Variants in JAK1 observed in about 807,000 individuals in gnomAD.
JAK1 encodes the protein tyrosine-protein kinase JAK1.
A neutral mutation model predicts 136.6 loss-of-function variants in JAK1; 16 were observed. That is an observed-to-expected ratio of 0.12 (90% CI 0.08 to 0.18). The LOEUF (loss-of-function observed/expected upper bound fraction) is 0.18, where lower values mean the gene tolerates loss of function less well. Ranked by LOEUF, JAK1 falls within the 10% of genes least tolerant of loss-of-function variation. The pLI, the probability that JAK1 is intolerant of heterozygous loss-of-function variation, is 1.00. For missense variants in JAK1, 859 were observed against 1,450.1 expected, an observed-to-expected ratio of 0.59 and a Z score of 6.62; for synonymous variants, 492 against 519.5, an observed-to-expected ratio of 0.95 and a Z score of 0.72.
chr1:65,025,481 G>C (rs998407301), intron 2 of JAK1, among the ~76,000 whole-genome samples: 1 of 152,096 alleles, frequency 6.6e-6, no homozygotes, highest in African/African-American at 2.4e-5. Context: ...AAGAGGTGAG[G>C]CCACAGGGTA....
chr1:65,058,136 G>A (rs181510395), intron 1 of JAK1, among the ~76,000 whole-genome samples: 37 of 152,174 alleles, frequency 2.4e-4, no homozygotes, highest in African/African-American at 7.2e-4. Flanking sequence ...AAAATGGTAC[G>A]AAGTTCTCTG....
At chr1:64,873,769 G>A (rs1657223654) in intron 4 of JAK1, among the ~76,000 whole-genome samples, 1 of 152,146 alleles carries the variant, frequency 6.6e-6, no homozygotes, top group Admixed American at 6.5e-5. Context: ...CACAAAGACA[G>A]CTCCTCTGAC....
chr1:64,938,587 A>G (rs1046364856), intron 1 of JAK1, among the ~76,000 whole-genome samples: 4 of 152,240 alleles, frequency 2.6e-5, no homozygotes, highest in African/African-American at 9.6e-5. Flanking sequence ...CCTTGACACC[A>G]GAACTATTTA....
At chr1:64,843,968 C>A in intron 17 of JAK1, 96 bp downstream of exon 17, 1 of 1,420,594 alleles carries the variant, frequency 7.0e-7, no homozygotes, top group Non-Finnish European at 9.8e-7. Flanking sequence ...CCATGCCCAT[C>A]TCTTCCCACA....
At chr1:65,022,754 T>G (rs1646947380) in intron 2 of JAK1, among the ~76,000 whole-genome samples, 1 of 152,208 alleles carries the variant, frequency 6.6e-6, no homozygotes, top group South Asian at 2.1e-4. Context: ...ACTTCATACA[T>G]TAGTGTCATG....
At chr1:64,961,721 C>G (rs1455866540) in intron 1 of JAK1, among the ~76,000 whole-genome samples, 1 of 152,024 alleles carries the variant, frequency 6.6e-6, no homozygotes, top group African/African-American at 2.4e-5. Context: ...AACAAAGGAA[C>G]TCCTACTCAC....
chr1:64,854,682 C>CG lies in JAK1; in HGVS notation c.1648+826_1648+827insC, dbSNP rs558961993. ...AACAAGAAACAGCTGAGTGGCTCCC[C>CG]CTTGGATCCATTTCACTCCCTGATC... On this transcript the variant is annotated intron_variant, in intron 11 of 24. Coordinates refer to ENST00000342505, the MANE Select transcript of JAK1 (RefSeq NM_002227.4). Among the ~76,000 whole-genome samples the CG allele has an allele frequency of 3.4e-4, 52 of 152,042 alleles. 1 individual carries two copies. In the South Asian group the frequency reaches 7.5e-3, roughly 22 times the overall value.
rs1646382210 is a variant in JAK1, at chr1:64,966,480, T to C, written c.-225A>G. On this transcript the variant is annotated 5_prime_UTR_variant, in exon 1 of 25. Coordinates refer to ENST00000342505, the MANE Select transcript of JAK1 (RefSeq NM_002227.4). ...GGGTCGCGGCGAGGACAGCCGGGACTGGGCGCAGGCCCGCACTGTCTGCAG... is the reference window on the plus strand; with the variant it reads ...GGGTCGCGGCGAGGACAGCCGGGACCGGGCGCAGGCCCGCACTGTCTGCAG... 6.6e-6 allele frequency: 1 copy of C among 150,866 alleles called. No homozygotes were observed. The highest frequency in any genetic ancestry group is 6.6e-5 in the Admixed American group (1 of 15,156). 9.3% of individuals were successfully genotyped at this position (150,866 alleles called of 1,614,324 possible).
intron 2 of JAK1, among the ~76,000 whole-genome samples, chr1:64,986,502 C>T (rs946934384): frequency 3.3e-5 from 5 of 152,112 alleles, no homozygotes; most frequent in East Asian, 3.8e-4. Context: ...ATTTCCTTCT[C>T]GGCAGCAAGT....
intron 9 of JAK1, among the ~76,000 whole-genome samples, chr1:64,858,823 A>C (rs1656109990): frequency 6.6e-6 from 1 of 152,224 alleles, no homozygotes; most frequent in African/African-American, 2.4e-5. Flanking sequence ...AGTGGCCAAC[A>C]TGTATGGGAT....
At chr1:64,946,651 C>A (rs374443628) in intron 1 of JAK1, among the ~76,000 whole-genome samples, 1 of 151,998 alleles carries the variant, frequency 6.6e-6, no homozygotes, top group Non-Finnish European at 1.5e-5. Flanking sequence ...GAGTTAATTA[C>A]GGGCAGTTTT....
intron 1 of JAK1, among the ~76,000 whole-genome samples, chr1:64,893,980 G>A (rs777623708): frequency 5.1e-4 from 78 of 152,152 alleles, no homozygotes; most frequent in Non-Finnish European, 9.3e-4. Flanking sequence ...CACATACTAA[G>A]TTCATTTAGG....
At chr1:65,063,563 G>GGA (rs1647905521) in intron 1 of JAK1, among the ~76,000 whole-genome samples, 2 of 152,270 alleles carry the variant, frequency 1.3e-5, no homozygotes, top group East Asian at 3.9e-4. Flanking sequence ...CAGCAGTTTG[G>GGA]GAGGCCAAGG....
chr1:64,897,714 C>A (rs1300042386), intron 1 of JAK1, among the ~76,000 whole-genome samples: 2 of 151,534 alleles, frequency 1.3e-5, no homozygotes, highest in Non-Finnish European at 2.9e-5. Flanking sequence ...GGATTTTCTT[C>A]TGAGGGGATA....
At position 64,836,243 on chromosome 1, in the gene JAK1, C is replaced by T. The variant is rs767249098; in HGVS notation, c.3141-28G>A. ...TGAAAGGAAGCAGAACACAAAACTT[C>T]ATTTCCTGGGAGGCACACTCCATCC... On this transcript the variant is annotated intron_variant, in intron 22 of 24. Transcript: ENST00000342505. 5.9e-6 allele frequency: 8 copies of T among 1,347,632 alleles called. No individual in the cohort carries two copies. In the East Asian group the frequency reaches 1.6e-4, roughly 27 times the overall value. 83.5% of individuals were successfully genotyped at this position (1,347,632 alleles called of 1,614,324 possible). A position where few individuals can be genotyped will look rare whatever the true frequency, so the allele number is the denominator to read the frequency against.
At position 64,883,269 on chromosome 1, in the gene JAK1, G is replaced by C; in HGVS notation, c.205+8C>G. On this transcript the variant is annotated splice_region_variant and intron_variant, in intron 3 of 24. Transcript: ENST00000342505. ...AACCCCCAGCCCTGGGCAGCTGCCA[G>C]TACTCACGGCATGCCTGTGCAGCCC... is the stretch of plus-strand genomic sequence containing the variant. 1.2e-6 allele frequency: 2 copies of C among 1,608,930 alleles called. No individual in the cohort carries two copies. The highest frequency in any genetic ancestry group is 1.7e-6 in the Non-Finnish European group (2 of 1,176,714).
chr1:64,995,498 G>A (rs529729217), intron 2 of JAK1, among the ~76,000 whole-genome samples: 29 of 152,292 alleles, frequency 1.9e-4, no homozygotes, highest in African/African-American at 7.0e-4. Context: ...ATCTTGACAT[G>A]CCTGTGCACG....
chr1:64,949,375 T>C (rs1259531837), intron 1 of JAK1, among the ~76,000 whole-genome samples: 1 of 152,210 alleles, frequency 6.6e-6, no homozygotes, highest in Non-Finnish European at 1.5e-5. Context: ...CTATTAGTCA[T>C]GCAAAAATGT....
chr1:64,886,164 T>C, intron 2 of JAK1, 95 bp downstream of exon 2: 1 of 758,662 alleles, frequency 1.3e-6, no homozygotes, highest in Non-Finnish European at 2.2e-6. Flanking sequence ...TTAAAGGCAA[T>C]AGCACCAATA....
Sources: allele counts gnomAD v4.1 joint callset (sites outside exome capture counted in the v4.1 genomes callset), GRCh38; gene constraint gnomAD v4.1.1; transcripts MANE v1.5; gene names NCBI Gene and HGNC (gene_info 2026-07-23, HGNC 2026-07-21).